The following ARB2A variants were observed in gnomAD, a reference collection of about 807,000 sequenced individuals.
ARB2A encodes the protein cotranscriptional regulator ARB2A.
chr5:93,808,236 T>C, the ARB2A span, among the ~76,000 whole-genome samples: 1 of 151,930 alleles, frequency 6.6e-6, no homozygotes, highest in South Asian at 2.1e-4. Context: ...GGATCTGGAG[T>C]GCAGCAAAAT....
the ARB2A span, among the ~76,000 whole-genome samples, chr5:94,087,158 G>GA: frequency 6.6e-6 from 1 of 152,002 alleles, no homozygotes; most frequent in Non-Finnish European, 1.5e-5. Context: ...TTTGAAAATA[G>GA]AAAAAAGCTT....
At chr5:93,815,929 C>A in the ARB2A span, among the ~76,000 whole-genome samples, 2 of 152,178 alleles carry the variant, frequency 1.3e-5, no homozygotes. Flanking sequence ...CCAACCTCTA[C>A]AGCTGAAGTA....
chr5:93,873,260 C>T, the ARB2A span, among the ~76,000 whole-genome samples: 1 of 142,932 alleles, frequency 7.0e-6, no homozygotes, highest in Non-Finnish European at 1.5e-5. Context: ...TCACTGCATT[C>T]TAGCCTGCGT....
the ARB2A span, among the ~76,000 whole-genome samples, chr5:93,826,498 C>A: frequency 6.6e-6 from 1 of 152,146 alleles, no homozygotes; most frequent in East Asian, 1.9e-4. Flanking sequence ...CAAACTCAAC[C>A]AATCCAACAC....
the ARB2A span, among the ~76,000 whole-genome samples, chr5:94,047,918 T>C: frequency 3.3e-5 from 5 of 152,046 alleles, no homozygotes; most frequent in Non-Finnish European, 7.4e-5. Flanking sequence ...TTATGGAAAA[T>C]AGTAAATAAA....
At chr5:94,071,108 T>C in the ARB2A span, among the ~76,000 whole-genome samples, 1 of 152,088 alleles carries the variant, frequency 6.6e-6, no homozygotes, top group Non-Finnish European at 1.5e-5. Flanking sequence ...TTAAAGACTG[T>C]ATTCATAATC....
At chr5:93,965,375 T>C in the ARB2A span, among the ~76,000 whole-genome samples, 1 of 151,968 alleles carries the variant, frequency 6.6e-6, no homozygotes, top group South Asian at 2.1e-4. Context: ...CAGCAACCCT[T>C]ATAAGCAGTA....
the ARB2A span, among the ~76,000 whole-genome samples, chr5:93,675,008 G>C: frequency 6.6e-6 from 1 of 152,036 alleles, no homozygotes; most frequent in Non-Finnish European, 1.5e-5. Context: ...TGATTAACAT[G>C]TGAATACTGT....
the ARB2A span, among the ~76,000 whole-genome samples, chr5:93,922,749 G>A: frequency 2.0e-5 from 3 of 150,478 alleles, no homozygotes; most frequent in South Asian, 2.1e-4. Flanking sequence ...AGTGCCAGAC[G>A]ATAAGGAAAA....
At chr5:93,976,155 A>G in the ARB2A span, among the ~76,000 whole-genome samples, 30 of 152,296 alleles carry the variant, frequency 2.0e-4, no homozygotes, top group Middle Eastern at 3.4e-3. Flanking sequence ...TTTGTTATTT[A>G]TTGTTATTGA....
chr5:93,780,216 T>G, the ARB2A span, among the ~76,000 whole-genome samples: 416 of 152,306 alleles, frequency 2.7e-3, 2 homozygotes, highest in Non-Finnish European at 4.3e-3. Context: ...GTCAAGTTTC[T>G]AAAGCCCTAC....
the ARB2A span, among the ~76,000 whole-genome samples, chr5:93,975,105 G>A: frequency 2.6e-5 from 4 of 151,912 alleles, no homozygotes; most frequent in Non-Finnish European, 4.4e-5. Context: ...AAGAGATCAG[G>A]AGATGGAGAC....
the ARB2A span, among the ~76,000 whole-genome samples, chr5:94,040,370 ATATTT>A: frequency 3.3e-5 from 5 of 150,990 alleles, no homozygotes; most frequent in African/African-American, 7.3e-5. Context: ...TTTTTTAATT[ATATTT>A]TAAGTTTTAG....
the ARB2A span, among the ~76,000 whole-genome samples, chr5:93,636,959 T>C: frequency 3.3e-5 from 5 of 152,244 alleles, no homozygotes. Flanking sequence ...TAACATCTTG[T>C]GCAGCCACAG....
the ARB2A span, among the ~76,000 whole-genome samples, chr5:93,728,183 T>G: frequency 2.0e-5 from 3 of 152,184 alleles, no homozygotes; most frequent in East Asian, 3.9e-4. Flanking sequence ...GGTTTTTTTT[T>G]GTTGTTGTTT....
chr5:94,091,731 C>A, the ARB2A span, among the ~76,000 whole-genome samples: 1 of 152,160 alleles, frequency 6.6e-6, no homozygotes, highest in Non-Finnish European at 1.5e-5. Context: ...TAGATGGAAA[C>A]TAATTTTTAA....
At chr5:94,104,715 C>T in the ARB2A span, among the ~76,000 whole-genome samples, 1 of 152,132 alleles carries the variant, frequency 6.6e-6, no homozygotes, top group Non-Finnish European at 1.5e-5. Flanking sequence ...AAACTTTAGA[C>T]CAATATCCCT....
the ARB2A span, chr5:93,861,268 C>G: frequency 6.6e-6 from 1 of 151,692 alleles, no homozygotes. Context: ...CCCTTCTACA[C>G]CCGGTTCCAT....
At chr5:94,061,148 GA>G in the ARB2A span, among the ~76,000 whole-genome samples, 2 of 152,146 alleles carry the variant, frequency 1.3e-5, no homozygotes, top group African/African-American at 4.8e-5. Flanking sequence ...TGAGGCAGGA[GA>G]ACGGTGTGAA....
Sources: gnomAD v4.1 joint callset for allele counts (sites outside exome capture counted in the v4.1 genomes callset) on GRCh38, gnomAD v4.1.1 for gene constraint, MANE v1.5 for transcripts, NCBI Gene and HGNC (gene_info 2026-07-23, HGNC 2026-07-21) for gene names.